Variants in CDK14 observed in about 807,000 individuals in gnomAD.
CDK14 encodes the protein cyclin dependent kinase 14.
In CDK14, 34 loss-of-function variants were observed where a neutral mutation model predicts 60.7. The ratio of observed to expected loss-of-function variants is 0.56; its 90% CI spans 0.43 to 0.75. The LOEUF (loss-of-function observed/expected upper bound fraction) is 0.75, where lower values mean the gene tolerates loss of function less well. Ranked by LOEUF, CDK14 falls within the 30% of genes least tolerant of loss-of-function variation. The pLI is 0.00. For missense variants in CDK14, 482 were observed against 564.1 expected (o/e 0.85, Z 1.47); for synonymous variants, 197 against 203.7 (o/e 0.97, Z 0.28).
At chr7:90,992,418 C>G (rs1304748582) in intron 10 of CDK14, among the ~76,000 whole-genome samples, 1 of 152,180 alleles carries the variant, frequency 6.6e-6, no homozygotes, top group African/African-American at 2.4e-5. Context: ...TTATTACGTG[C>G]TTACTCTGGG....
intron 5 of CDK14, among the ~76,000 whole-genome samples, chr7:90,799,979 A>G (rs1788577335): frequency 6.6e-6 from 1 of 152,172 alleles, no homozygotes; most frequent in Admixed American, 6.6e-5. Context: ...TAAAAGAGGA[A>G]AGGAACAAAT....
At chr7:90,638,170 A>G (rs568239191) in intron 2 of CDK14, among the ~76,000 whole-genome samples, 209 of 152,240 alleles carry the variant, frequency 1.4e-3, no homozygotes, top group African/African-American at 4.8e-3. Context: ...TGATCCTGCC[A>G]TTATGATGTT....
intron 14 of CDK14, among the ~76,000 whole-genome samples, chr7:91,194,732 C>T (rs1185555029): frequency 1.3e-5 from 2 of 152,138 alleles, no homozygotes; most frequent in Non-Finnish European, 2.9e-5. Flanking sequence ...GAAGTAAGAT[C>T]TTTCTGGGAT....
At chr7:91,142,039 C>T (rs567527124) in intron 14 of CDK14, among the ~76,000 whole-genome samples, 5 of 152,204 alleles carry the variant, frequency 3.3e-5, no homozygotes, top group African/African-American at 7.2e-5. Context: ...GTTAGCAGGA[C>T]GGTCTCAATC....
intron 10 of CDK14, among the ~76,000 whole-genome samples, chr7:91,015,958 T>A (rs773020947): frequency 5.9e-5 from 9 of 152,190 alleles, no homozygotes; most frequent in Non-Finnish European, 1.2e-4. Flanking sequence ...TCAAAATATT[T>A]CTCATTTAAA....
intron 14 of CDK14, among the ~76,000 whole-genome samples, chr7:91,183,338 G>C (rs1802063660): frequency 6.6e-6 from 1 of 152,102 alleles, no homozygotes; most frequent in Non-Finnish European, 1.5e-5. Context: ...TTCAAAGCTG[G>C]TCTCTTCTCC....
chr7:90,922,811 A>G (rs888814939), intron 8 of CDK14, among the ~76,000 whole-genome samples: 8 of 152,192 alleles, frequency 5.3e-5, no homozygotes, highest in Non-Finnish European at 1.2e-4. Context: ...TATTAAAATT[A>G]TAAATATTTG....
chr7:91,091,300 A>G (rs912312734), intron 12 of CDK14, among the ~76,000 whole-genome samples: 1 of 145,344 alleles, frequency 6.9e-6, no homozygotes, highest in East Asian at 2.0e-4. Context: ...ATATTTTTAT[A>G]TATACATATA....
chr7:90,636,967 G>T (rs976688345), intron 2 of CDK14, among the ~76,000 whole-genome samples: 4 of 151,304 alleles, frequency 2.6e-5, no homozygotes, highest in Admixed American at 1.3e-4. Flanking sequence ...ATTTCTGTGG[G>T]ATCGGTGGTG....
At chr7:91,059,724 T>A (rs1371358927) in intron 11 of CDK14, among the ~76,000 whole-genome samples, 1 of 152,182 alleles carries the variant, frequency 6.6e-6, no homozygotes, top group East Asian at 1.9e-4. Flanking sequence ...TTTGAGTGAG[T>A]TTCTGAATCC....
chr7:90,676,882 A>G (rs1177033355), intron 2 of CDK14, among the ~76,000 whole-genome samples: 1 of 152,106 alleles, frequency 6.6e-6, no homozygotes, highest in Non-Finnish European at 1.5e-5. Context: ...GAGCAGGGCA[A>G]CAGCTAAAGC....
chr7:90,977,945 T>C lies in CDK14; in HGVS notation c.948-6203T>C, dbSNP rs75994038. Among the ~76,000 whole-genome samples, 513 of 152,254 alleles carry C rather than the reference T, an allele frequency of 3.4e-3. 4 individuals are homozygous for C. The highest frequency in any genetic ancestry group is 0.012 in the African/African-American group (480 of 41,546). Reference sequence around the variant, plus strand: ...CCCAAAAGCCAAACACAATTTAACATTTTTAAGTGTTATAAAGGGGACAAA... The same window carrying C: ...CCCAAAAGCCAAACACAATTTAACACTTTTAAGTGTTATAAAGGGGACAAA... On this transcript the variant is annotated intron_variant, in intron 9 of 14. Transcript: ENST00000380050.
At chr7:90,915,874 G>A (rs1308303839) in intron 7 of CDK14, among the ~76,000 whole-genome samples, 1 of 152,166 alleles carries the variant, frequency 6.6e-6, no homozygotes, top group African/African-American at 2.4e-5. Context: ...ACATGGAATA[G>A]CAGTTGGCAC....
chr7:90,626,640 C>T (rs1014212016), intron 2 of CDK14, among the ~76,000 whole-genome samples: 4 of 152,130 alleles, frequency 2.6e-5, no homozygotes, highest in African/African-American at 4.8e-5. Context: ...CTTGTAGTTA[C>T]GTTAAAAACG....
intron 2 of CDK14, among the ~76,000 whole-genome samples, chr7:90,721,132 A>C (rs188027702): frequency 1.3e-5 from 2 of 152,284 alleles, no homozygotes; most frequent in Non-Finnish European, 2.9e-5. Flanking sequence ...GTTGCATTAC[A>C]TCCACCCACC....
At chr7:90,788,919 G>GCCTCTCCTCCTTCACC (rs1805711939) in intron 4 of CDK14, among the ~76,000 whole-genome samples, 1 of 152,020 alleles carries the variant, frequency 6.6e-6, no homozygotes, top group Non-Finnish European at 1.5e-5. Flanking sequence ...AACATATAGT[G>GCCTCTCCTCCTTCACC]TAGGTGAAGG....
intron 8 of CDK14, among the ~76,000 whole-genome samples, chr7:90,955,459 A>T (rs934514637): frequency 2.0e-5 from 3 of 152,150 alleles, no homozygotes; most frequent in Non-Finnish European, 4.4e-5. Context: ...CTGATATTTT[A>T]TTAGATTCAT....
intron 4 of CDK14, among the ~76,000 whole-genome samples, chr7:90,752,584 CAT>C (rs1306509953): frequency 2.0e-5 from 3 of 152,074 alleles, no homozygotes; most frequent in African/African-American, 7.2e-5. Flanking sequence ...AATTAACTAA[CAT>C]CACTCCTAGA....
At chr7:90,982,810 A>G (rs904436484) in intron 9 of CDK14, among the ~76,000 whole-genome samples, 3 of 152,118 alleles carry the variant, frequency 2.0e-5, no homozygotes, top group Admixed American at 6.6e-5. Flanking sequence ...TATGGGATCT[A>G]GGTGTACGTC....
Sources: allele counts gnomAD v4.1 joint callset (sites outside exome capture counted in the v4.1 genomes callset), GRCh38; gene constraint gnomAD v4.1.1; transcripts MANE v1.5; gene names NCBI Gene and HGNC (gene_info 2026-07-23, HGNC 2026-07-21).